GPM6A: variants seen among roughly 807,000 people sequenced by gnomAD.
The protein encoded by GPM6A is glycoprotein M6A, also known as neuronal membrane glycoprotein M6-a.
Under a neutral mutation model 32.1 loss-of-function variants are expected in GPM6A, and 7 were observed. The ratio of observed to expected loss-of-function variants is 0.22; its 90% confidence interval spans 0.12 to 0.41. GPM6A has a LOEUF of 0.41. GPM6A is among the 10% of genes least tolerant of loss of function. GPM6A has a pLI of 1.00. For synonymous variants in GPM6A, 130 were observed against 123.4 expected, an observed-to-expected ratio of 1.05 and a Z score of -0.35; for missense variants, 235 against 347.2, an observed-to-expected ratio of 0.68 and a Z score of 2.57.
chr4:175,711,795 A>C (rs1347162356), intron 1 of GPM6A, among the ~76,000 whole-genome samples: 1 of 151,810 alleles, frequency 6.6e-6, no homozygotes, highest in Non-Finnish European at 1.5e-5. Flanking sequence ...AGAGCCTGTT[A>C]GCAGGACTCC....
At chr4:175,869,621 G>A (rs760735493) in intron 1 of GPM6A, among the ~76,000 whole-genome samples, 27 of 152,206 alleles carry the variant, frequency 1.8e-4, no homozygotes, top group African/African-American at 6.0e-4. Flanking sequence ...TCTGGGCATG[G>A]TGGTGCGCAC....
intron 1 of GPM6A, among the ~76,000 whole-genome samples, chr4:175,718,539 C>T (rs1231035753): frequency 2.6e-5 from 4 of 152,082 alleles, no homozygotes; most frequent in Non-Finnish European, 5.9e-5. Context: ...TCGCTTGAGC[C>T]CGGGAGACGG....
At position 175,634,812 on chromosome 4, in the gene GPM6A, C is replaced by T. The variant is rs1461988918; in HGVS notation, c.*93G>A. On this transcript the variant is annotated 3_prime_UTR_variant, in exon 7 of 7. Coordinates refer to ENST00000393658, the MANE Select transcript of GPM6A (RefSeq NM_201591.3). ...CACCTTACATATCATTGATGAGAAG[C>T]ACTTTCGTTTTGTTTTTTAAAGGTT... The T allele has an allele frequency of 7.5e-6, 7 of 929,206 alleles. No individual in the cohort carries two copies. Among genetic ancestry groups the T allele is most frequent in the Middle Eastern group, 2.2e-4 (1 of 4,566 alleles). 57.6% of individuals were successfully genotyped at this position (929,206 alleles called of 1,614,324 possible). A position where few individuals can be genotyped will look rare whatever the true frequency, so the allele number is the denominator to read the frequency against.
chr4:175,806,550 T>C (rs1305614968), intron 1 of GPM6A, among the ~76,000 whole-genome samples: 1 of 152,164 alleles, frequency 6.6e-6, no homozygotes, highest in African/African-American at 2.4e-5. Flanking sequence ...GAAACCATAA[T>C]TAGCAACTGA....
chr4:175,990,348 G>C (rs1741100092), intron 1 of GPM6A, among the ~76,000 whole-genome samples: 1 of 152,106 alleles, frequency 6.6e-6, no homozygotes, highest in African/African-American at 2.4e-5. Flanking sequence ...GATGACTGCA[G>C]CCTCCATCGA....
intron 1 of GPM6A, among the ~76,000 whole-genome samples, chr4:175,988,907 T>C (rs968875291): frequency 5.9e-5 from 9 of 151,914 alleles, no homozygotes; most frequent in African/African-American, 2.2e-4. Context: ...AGCTAATAAA[T>C]AAACAGTGAG....
chr4:175,943,179 G>C (rs1352528340), intron 1 of GPM6A, among the ~76,000 whole-genome samples: 1 of 152,130 alleles, frequency 6.6e-6, no homozygotes, highest in Non-Finnish European at 1.5e-5. Context: ...TTGGCTCTCT[G>C]TTTGTCTGTC....
At chr4:175,977,961 C>G (rs1339047668) in intron 1 of GPM6A, among the ~76,000 whole-genome samples, 25 of 152,196 alleles carry the variant, frequency 1.6e-4, no homozygotes, top group Admixed American at 1.6e-3. Flanking sequence ...TGTGGTCCTA[C>G]TTCAATGCTG....
chr4:175,636,277 T>C (rs1287387054), intron 6 of GPM6A, among the ~76,000 whole-genome samples: 1 of 125,252 alleles, frequency 8.0e-6, no homozygotes. Context: ...TATATATATA[T>C]ATATATATAT....
At chr4:175,891,380 A>G (rs557451684) in intron 1 of GPM6A, 1 of 152,178 alleles carries the variant, frequency 6.6e-6, no homozygotes. Flanking sequence ...TTGATAAGAC[A>G]TTCAATAATA....
At chr4:175,976,328 A>ATTTTTTTTTTTTTTTTTTTTTTTTTTT (rs34163669) in intron 1 of GPM6A, among the ~76,000 whole-genome samples, 14 of 137,334 alleles carry the variant, frequency 1.0e-4, no homozygotes, top group African/African-American at 3.9e-4. Flanking sequence ...CGCCTGGCTA[A>ATTTTTTTTTTTTTTTTTTTTTTTTTTT]TTTTTTTTTT....
At chr4:175,692,490 T>C (rs1430450306) in intron 2 of GPM6A, among the ~76,000 whole-genome samples, 1 of 152,194 alleles carries the variant, frequency 6.6e-6, no homozygotes, top group Non-Finnish European at 1.5e-5. Context: ...ATTAAGCTTT[T>C]GTAGTTTTTA....
chr4:175,969,838 C>T (rs1740447173), intron 1 of GPM6A, among the ~76,000 whole-genome samples: 3 of 152,086 alleles, frequency 2.0e-5, no homozygotes, highest in Admixed American at 2.0e-4. Flanking sequence ...GTAAATAGAA[C>T]TCTATGTACT....
At chr4:175,984,318 A>G (rs930786970) in intron 1 of GPM6A, among the ~76,000 whole-genome samples, 1 of 151,948 alleles carries the variant, frequency 6.6e-6, no homozygotes, top group African/African-American at 2.4e-5. Context: ...GCGTTCCACC[A>G]CGCCCGGCTA....
chr4:175,826,647 C>A (rs556737034), intron 1 of GPM6A, among the ~76,000 whole-genome samples: 40 of 152,200 alleles, frequency 2.6e-4, no homozygotes, highest in African/African-American at 9.4e-4. Context: ...CAGAGACATG[C>A]AATTTGTGCA....
intron 2 of GPM6A, among the ~76,000 whole-genome samples, chr4:175,694,406 C>T (rs368752004): frequency 3.8e-4 from 58 of 152,162 alleles, no homozygotes; most frequent in African/African-American, 1.2e-3. Flanking sequence ...ACAGTGAAGT[C>T]TAGGCTGAGG....
chr4:175,838,099 A>G (rs1735823884), intron 1 of GPM6A, among the ~76,000 whole-genome samples: 1 of 77,808 alleles, frequency 1.3e-5, no homozygotes, highest in Admixed American at 1.3e-4. Context: ...AAACACACAC[A>G]CACACACACA....
intron 1 of GPM6A, among the ~76,000 whole-genome samples, chr4:175,776,470 C>T (rs944898134): frequency 5.9e-5 from 9 of 152,120 alleles, no homozygotes; most frequent in African/African-American, 1.4e-4. Flanking sequence ...GATGTCAAAA[C>T]TCGAGCTGCT....
intron 1 of GPM6A, among the ~76,000 whole-genome samples, chr4:175,931,707 C>T (rs376620529): frequency 0.11 from 15,942 of 142,638 alleles, 925 homozygotes; most frequent in South Asian, 0.24. Context: ...CACACACACA[C>T]ACATATATAT....
Sources: gnomAD v4.1 joint callset for allele counts (sites outside exome capture counted in the v4.1 genomes callset) on GRCh38, gnomAD v4.1.1 for gene constraint, MANE v1.5 for transcripts, NCBI Gene and HGNC (gene_info 2026-07-23, HGNC 2026-07-21) for gene names.